The following TMEM87B variants were observed in gnomAD, a reference collection of about 807,000 sequenced individuals.
TMEM87B encodes the protein transmembrane protein 87B.
A neutral mutation model predicts 80.3 loss-of-function variants in TMEM87B; 83 were observed. The ratio of observed to expected loss-of-function variants is 1.03; its 90% confidence interval spans 0.87 to 1.24. The LOEUF (loss-of-function observed/expected upper bound fraction) is 1.24. Ranked by LOEUF, TMEM87B falls within the 50% of genes most tolerant of loss-of-function variation. The probability of loss-of-function intolerance (pLI) is 0.00; values close to 1 mark genes in which losing one functional copy is unlikely to be tolerated. For missense variants in TMEM87B, 625 were observed against 674.4 expected (o/e 0.93, Z 0.81); for synonymous variants, 219 against 230.5 (o/e 0.95, Z 0.45).
intron 1 of TMEM87B, among the ~76,000 whole-genome samples, chr2:112,058,761 C>G (rs1678159281): frequency 1.3e-5 from 2 of 152,110 alleles, no homozygotes; most frequent in Non-Finnish European, 2.9e-5. Context: ...AGAAATTAGG[C>G]AGGAAATGCA....
At chr2:112,105,633 A>G (rs1273089002) in intron 15 of TMEM87B, among the ~76,000 whole-genome samples, 1 of 152,254 alleles carries the variant, frequency 6.6e-6, no homozygotes, top group Non-Finnish European at 1.5e-5. Flanking sequence ...GATGTAAAGC[A>G]TACCCAAAGA....
At chr2:112,086,609 GT>G (rs529979913) in intron 9 of TMEM87B, among the ~76,000 whole-genome samples, 43 of 152,274 alleles carry the variant, frequency 2.8e-4, no homozygotes, top group African/African-American at 1.0e-3. Context: ...TCCTTGTTGT[GT>G]TTTTTCAGAC....
intron 13 of TMEM87B, among the ~76,000 whole-genome samples, chr2:112,097,719 A>G (rs1181402393): frequency 1.3e-5 from 2 of 151,460 alleles, no homozygotes; most frequent in African/African-American, 4.8e-5. Context: ...TCTCAAAAAA[A>G]AAAAAAAAAA....
At chr2:112,088,425 T>C (rs1440301882) in intron 9 of TMEM87B, among the ~76,000 whole-genome samples, 1 of 152,194 alleles carries the variant, frequency 6.6e-6, no homozygotes, top group Admixed American at 6.5e-5. Context: ...TTCTGGTTAT[T>C]TGGAGGTTCT....
intron 3 of TMEM87B, among the ~76,000 whole-genome samples, chr2:112,065,804 A>AT (rs1678416397): frequency 6.6e-6 from 1 of 152,040 alleles, no homozygotes; most frequent in African/African-American, 2.4e-5. Context: ...GTTCCTGATA[A>AT]TCTGGATTTC....
chr2:112,057,103 A>G (rs1442366943), intron 1 of TMEM87B, among the ~76,000 whole-genome samples: 1 of 152,218 alleles, frequency 6.6e-6, no homozygotes, highest in African/African-American at 2.4e-5. Flanking sequence ...TGAGTGCTGC[A>G]TGACCTTTAG....
rs768752450 is a variant in TMEM87B, at chr2:112,091,714, T to C, written c.1035T>C (p.Gly345=). 8.7e-6 allele frequency: 14 copies of C among 1,611,540 alleles called. No homozygotes were observed. The highest frequency in any genetic ancestry group is 1.3e-5 in the African/African-American group (1 of 74,996). ...CTTCCCTTATTTTTATCTTTCAGGG[T>C]TCTAACCATTTAGCTGTTGTTCTTG... ...AVEGVMRVIG[G]SNHLAVVLDD... Residue 345 remains glycine (G), a splice_region_variant and synonymous_variant, in exon 11 of 19, where the codon GGT becomes GGC. Coordinates refer to ENST00000283206, the MANE Select transcript of TMEM87B (RefSeq NM_032824.3).
intron 1 of TMEM87B, among the ~76,000 whole-genome samples, chr2:112,058,775 G>A (rs1179048051): frequency 6.6e-6 from 1 of 152,170 alleles, no homozygotes; most frequent in African/African-American, 2.4e-5. Context: ...AAATGCAGAG[G>A]GCCTAAATTA....
At chr2:112,056,321 TACAGTTCCTGTC>T (rs1165889485) in intron 1 of TMEM87B, among the ~76,000 whole-genome samples, 1 of 152,182 alleles carries the variant, frequency 6.6e-6, no homozygotes, top group African/African-American at 2.4e-5. Context: ...TGAATTTCTC[TACAGTTCCTGTC>T]ACAGTTCCGG....
chr2:112,099,098 C>T (rs943792373), intron 14 of TMEM87B, among the ~76,000 whole-genome samples: 6 of 152,048 alleles, frequency 3.9e-5, no homozygotes, highest in Admixed American at 6.6e-5. Context: ...GGGAGAAGTA[C>T]GGCCAAAATG....
intron 3 of TMEM87B, among the ~76,000 whole-genome samples, chr2:112,065,537 C>T (rs74677818): frequency 0.12 from 17,580 of 149,730 alleles, 1,129 homozygotes; most frequent in South Asian, 0.21. Flanking sequence ...CCCAGCTGTT[C>T]GGGAGGTTTA....
chr2:112,064,886 T>A (rs1054528353), intron 3 of TMEM87B, among the ~76,000 whole-genome samples: 4 of 152,170 alleles, frequency 2.6e-5, no homozygotes, highest in African/African-American at 9.7e-5. Flanking sequence ...TGGGTTTCCA[T>A]ATCTTTTTAA....
rs1678458148 is a variant in TMEM87B at position 112,067,079 on chromosome 2, A to G, written c.450+12A>G. ...TTCCCTCTTTGAATGTGAGTATCTG[A>G]CTTGCCATGTTAAAGTTTATTTTAT... On this transcript the variant is annotated intron_variant, in intron 4 of 18. Transcript: ENST00000283206. 1 of 1,606,392 alleles carries G rather than the reference A, an allele frequency of 6.2e-7. No individual in the cohort carries two copies. Among genetic ancestry groups the G allele is most frequent in the African/African-American group, 1.3e-5 (1 of 74,662 alleles).
At chr2:112,091,417 A>G (rs1021419901) in intron 10 of TMEM87B, among the ~76,000 whole-genome samples, 5 of 152,098 alleles carry the variant, frequency 3.3e-5, no homozygotes, top group South Asian at 2.1e-4. Context: ...TCGGTTTGGT[A>G]TGGAGGAGAG....
chr2:112,095,588 A>G (rs923094373), intron 11 of TMEM87B: 11 of 612,734 alleles, frequency 1.8e-5, no homozygotes, highest in African/African-American at 1.0e-4. Context: ...GGAATAAAGT[A>G]TATTTGCATT....
chr2:112,100,740 A>G (rs1429010533), intron 15 of TMEM87B, 45 bp downstream of exon 15: 1 of 1,252,290 alleles, frequency 8.0e-7, no homozygotes, highest in Admixed American at 1.8e-5. Flanking sequence ...TACATATTGC[A>G]ACAGAAATAT....
At chr2:112,074,541 G>C (rs1321767316) in intron 4 of TMEM87B, among the ~76,000 whole-genome samples, 1 of 152,086 alleles carries the variant, frequency 6.6e-6, no homozygotes, top group Non-Finnish European at 1.5e-5. Flanking sequence ...TATGTGTCTT[G>C]GGGATGATCT....
intron 1 of TMEM87B, among the ~76,000 whole-genome samples, chr2:112,056,177 C>T (rs1678052427): frequency 2.0e-5 from 3 of 151,944 alleles, no homozygotes; most frequent in African/African-American, 7.3e-5. Context: ...GAGGACTTGC[C>T]AGCGCTTCAG....
intron 6 of TMEM87B, among the ~76,000 whole-genome samples, chr2:112,079,821 T>C (rs1678932870): frequency 6.6e-6 from 1 of 152,214 alleles, no homozygotes; most frequent in South Asian, 2.1e-4. Context: ...TATTGGGGTT[T>C]TAATTTGCAT....
Sources: gnomAD v4.1 joint callset for allele counts (sites outside exome capture counted in the v4.1 genomes callset) on GRCh38, gnomAD v4.1.1 for gene constraint, MANE v1.5 for transcripts, NCBI Gene and HGNC (gene_info 2026-07-23, HGNC 2026-07-21) for gene names.